The following GLRA3 variants were observed in gnomAD, a reference collection of about 807,000 sequenced individuals.
GLRA3 encodes glycine receptor alpha 3, also known as glycine receptor subunit alpha-3.
In GLRA3, 44 loss-of-function variants were observed where a neutral mutation model predicts 60.4. The observed-to-expected ratio is 0.73, with a 90% confidence interval of 0.57 to 0.94. GLRA3 has a LOEUF of 0.94. Among genes scored for constraint, GLRA3 ranks in the 40% least tolerant of loss-of-function variants. GLRA3 has a pLI of 0.00. For missense variants in GLRA3, 508 were observed against 564.6 expected, an observed-to-expected ratio of 0.90 and a Z score of 1.02; for synonymous variants, 223 against 192.9, an observed-to-expected ratio of 1.16 and a Z score of -1.29.
chr4:174,818,177 G>A (rs1028766307), intron 1 of GLRA3, among the ~76,000 whole-genome samples: 4 of 152,138 alleles, frequency 2.6e-5, no homozygotes, highest in Non-Finnish European at 4.4e-5. Flanking sequence ...TGGCATACAA[G>A]TGAATGAGGA....
At chr4:174,684,009 G>A (rs1734457822) in intron 5 of GLRA3, among the ~76,000 whole-genome samples, 1 of 151,974 alleles carries the variant, frequency 6.6e-6, no homozygotes, top group African/African-American at 2.4e-5. Context: ...AAATAGTCAA[G>A]GTTTGGGCCA....
At chr4:174,653,993 C>T (rs1302156658) in intron 9 of GLRA3, among the ~76,000 whole-genome samples, 1 of 152,058 alleles carries the variant, frequency 6.6e-6, no homozygotes, top group Non-Finnish European at 1.5e-5. Flanking sequence ...GCGATTTCAA[C>T]TCCTGATAGT....
intron 4 of GLRA3, among the ~76,000 whole-genome samples, chr4:174,719,198 C>T (rs942204381): frequency 2.0e-5 from 3 of 151,652 alleles, no homozygotes; most frequent in South Asian, 2.1e-4. Context: ...CTCCTGACCT[C>T]GTGATCCGCC....
At chr4:174,737,055 C>T (rs4695789) in intron 3 of GLRA3, among the ~76,000 whole-genome samples, 44,263 of 152,082 alleles carry the variant, frequency 0.29, 6,694 homozygotes, top group African/African-American at 0.35. Context: ...CTGACACTGT[C>T]AGGGTTTATC....
intron 5 of GLRA3, among the ~76,000 whole-genome samples, chr4:174,703,422 C>A (rs375665640): frequency 1.6e-4 from 24 of 152,096 alleles, no homozygotes; most frequent in Non-Finnish European, 3.2e-4. Context: ...ACTCTGTGTA[C>A]CTTTTCAAAA....
At chr4:174,771,759 T>G (rs1429463554) in intron 2 of GLRA3, among the ~76,000 whole-genome samples, 1 of 152,148 alleles carries the variant, frequency 6.6e-6, no homozygotes, top group Non-Finnish European at 1.5e-5. Flanking sequence ...GAAGGGGTCT[T>G]TATTTCTTGG....
intron 1 of GLRA3, among the ~76,000 whole-genome samples, chr4:174,802,380 G>A (rs1244669524): frequency 2.0e-5 from 3 of 151,998 alleles, no homozygotes; most frequent in Non-Finnish European, 4.4e-5. Flanking sequence ...TCAAGGAACT[G>A]AAATGTACCA....
chr4:174,684,196 AT>A (rs34223164), intron 5 of GLRA3, among the ~76,000 whole-genome samples: 54,166 of 151,834 alleles, frequency 0.36, 10,275 homozygotes, highest in Middle Eastern at 0.46. Flanking sequence ...CAGCTATTGT[AT>A]TTTAAAAAAA....
chr4:174,687,328 A>C (rs2110992178), intron 5 of GLRA3, among the ~76,000 whole-genome samples: 1 of 152,254 alleles, frequency 6.6e-6, no homozygotes, highest in Non-Finnish European at 1.5e-5. Flanking sequence ...AATTTTAGTA[A>C]ATTTGGACCC....
intron 1 of GLRA3, among the ~76,000 whole-genome samples, chr4:174,796,263 C>T (rs1255644232): frequency 6.6e-6 from 1 of 152,134 alleles, no homozygotes; most frequent in Non-Finnish European, 1.5e-5. Context: ...AGACAATTTG[C>T]TGGTGCTCTG....
At chr4:174,773,972 A>G (rs56198880) in intron 2 of GLRA3, among the ~76,000 whole-genome samples, 110,833 of 151,622 alleles carry the variant, frequency 0.73, 40,806 homozygotes, top group East Asian at 1. Context: ...ATGTACACCC[A>G]CAATAGGGAA....
intron 5 of GLRA3, among the ~76,000 whole-genome samples, chr4:174,698,193 T>A (rs1190206012): frequency 6.6e-6 from 1 of 152,068 alleles, no homozygotes; most frequent in African/African-American, 2.4e-5. Context: ...ATTTTTGATA[T>A]ATTTATATAT....
At chr4:174,794,461 A>G (rs544990054) in intron 1 of GLRA3, among the ~76,000 whole-genome samples, 1 of 152,196 alleles carries the variant, frequency 6.6e-6, no homozygotes, top group African/African-American at 2.4e-5. Context: ...TCAAAATACA[A>G]CACAATTTTA....
chr4:174,712,051 T>G (rs1388162088), intron 5 of GLRA3, among the ~76,000 whole-genome samples: 1 of 152,144 alleles, frequency 6.6e-6, no homozygotes, highest in East Asian at 1.9e-4. Context: ...CATCAATTTC[T>G]AATGCAAGTC....
At chr4:174,744,275 A>C (rs1389332794) in intron 3 of GLRA3, among the ~76,000 whole-genome samples, 1 of 152,240 alleles carries the variant, frequency 6.6e-6, no homozygotes, top group African/African-American at 2.4e-5. Context: ...CTAAGAACGC[A>C]ATCACCTACG....
chr4:174,715,530 A>ACCT lies in GLRA3; in HGVS notation c.531_532insAGG (p.Asn177_Phe178insArg), dbSNP rs1317535815. The ACCT allele has an allele frequency of 6.4e-7, 1 of 1,560,894 alleles. No individual in the cohort carries two copies. Among genetic ancestry groups the ACCT allele is most frequent in the Non-Finnish European group, 8.8e-7 (1 of 1,135,382 alleles). On this transcript the variant is annotated inframe_insertion, in exon 5 of 10. Coordinates refer to ENST00000274093, the MANE Select transcript of GLRA3 (RefSeq NM_006529.4). The stretch of plus-strand genomic sequence containing the variant: ...ATACATGTTTGTACATCCATGGGAA[A>ACCT]ATTCTTGAGATCCATTGGACAGGAA...
chr4:174,797,803 C>T (rs553825575), intron 1 of GLRA3, among the ~76,000 whole-genome samples: 5 of 151,956 alleles, frequency 3.3e-5, no homozygotes, highest in East Asian at 2.0e-4. Flanking sequence ...AGATAGCAAA[C>T]GCCTCTAGTC....
intron 4 of GLRA3, 64 bp downstream of exon 4, chr4:174,728,411 C>A (rs1261464335): frequency 1.7e-5 from 16 of 917,734 alleles, no homozygotes; most frequent in Non-Finnish European, 2.7e-5. Flanking sequence ...ACCAAACAAA[C>A]CAACCAACAA....
intron 3 of GLRA3, among the ~76,000 whole-genome samples, chr4:174,750,044 A>G (rs769918056): frequency 3.3e-5 from 5 of 152,068 alleles, no homozygotes; most frequent in Non-Finnish European, 5.9e-5. Flanking sequence ...TCCCACCTCA[A>G]CCTTCCATCA....
Sources: allele counts gnomAD v4.1 joint callset (sites outside exome capture counted in the v4.1 genomes callset), GRCh38; gene constraint gnomAD v4.1.1; transcripts MANE v1.5; gene names NCBI Gene and HGNC (gene_info 2026-07-23, HGNC 2026-07-21).